NEBL: variants seen among roughly 807,000 people sequenced by gnomAD.
The protein encoded by NEBL is LIM and SH3 protein 2.
A neutral mutation model predicts 140.2 loss-of-function variants in NEBL; 122 were observed. That is an observed-to-expected ratio of 0.87 (90% CI 0.75 to 1.01). The LOEUF (loss-of-function observed/expected upper bound fraction) is 1.01, where lower values mean the gene tolerates loss of function less well. Ranked by LOEUF, NEBL falls within the 50% of genes least tolerant of loss-of-function variation. The pLI is 0.00. For synonymous variants in NEBL, 436 were observed against 398.9 expected (o/e 1.09, Z -1.11); for missense variants, 1,365 against 1,231.3 (o/e 1.11, Z -1.62).
At position 20,866,030 on chromosome 10, in the gene NEBL, T is replaced by G. The variant is rs929594300; in HGVS notation, c.684+2634A>C. ...TGTTAACCTTCCCTAAGTGTTTTCT[T>G]CACAATCAATCTTTGCTCAAAATCT... On this transcript the variant is annotated intron_variant, in intron 7 of 27. Coordinates refer to ENST00000377122, the MANE Select transcript of NEBL (RefSeq NM_006393.3). Among the ~76,000 whole-genome samples the G allele has an allele frequency of 5.3e-5, 8 of 152,300 alleles. No homozygotes were observed. In the East Asian group the frequency reaches 1.4e-3, roughly 26 times the overall value.
chr10:20,982,227 G>A (rs1052619842), intron 3 of NEBL, among the ~76,000 whole-genome samples: 33 of 152,080 alleles, frequency 2.2e-4, no homozygotes, highest in African/African-American at 7.5e-4. Context: ...CGGAAACATC[G>A]TCAAATGTTG....
intron 3 of NEBL, among the ~76,000 whole-genome samples, chr10:20,971,955 C>A (rs552906710): frequency 6.6e-6 from 1 of 152,078 alleles, no homozygotes; most frequent in Non-Finnish European, 1.5e-5. Context: ...CCAGAAGGTA[C>A]CACACAAGGT....
chr10:21,027,420 T>C (rs890265609), intron 2 of NEBL, among the ~76,000 whole-genome samples: 1 of 151,870 alleles, frequency 6.6e-6, no homozygotes, highest in African/African-American at 2.4e-5. Flanking sequence ...CTCGACCTCC[T>C]GGACTCAGGT....
chr10:21,079,767 G>A (rs1172005399), intron 2 of NEBL, among the ~76,000 whole-genome samples: 1 of 152,018 alleles, frequency 6.6e-6, no homozygotes, highest in Non-Finnish European at 1.5e-5. Context: ...TCAAAAGATC[G>A]CAGTTATAGA....
At chr10:21,090,542 T>C (rs1836863252) in intron 2 of NEBL, among the ~76,000 whole-genome samples, 1 of 152,194 alleles carries the variant, frequency 6.6e-6, no homozygotes, top group South Asian at 2.1e-4. Flanking sequence ...CCCACAGATA[T>C]TGAGGGACTG....
At chr10:20,928,979 T>C (rs1834042818) in intron 4 of NEBL, among the ~76,000 whole-genome samples, 1 of 152,116 alleles carries the variant, frequency 6.6e-6, no homozygotes, top group South Asian at 2.1e-4. Flanking sequence ...CCTCCTCTCT[T>C]ACCTTCTTAA....
Position 20,784,105 on chromosome 10 carries a change from T to C in NEBL, c.*1642A>G, listed in dbSNP as rs1835203480. ...CTTAAACGATGTTTTACAGGATGTTTTGTTAATTTCCTTGAATATAACATA... is the reference window on the plus strand; with the variant it reads ...CTTAAACGATGTTTTACAGGATGTTCTGTTAATTTCCTTGAATATAACATA... On this transcript the variant is annotated 3_prime_UTR_variant, in exon 28 of 28. Coordinates refer to ENST00000377122, the MANE Select transcript of NEBL (RefSeq NM_006393.3). 6.6e-6 allele frequency: 1 copy of C among 152,244 alleles called. No homozygotes were observed. The highest frequency in any genetic ancestry group is 2.1e-4 in the South Asian group (1 of 4,830). 9.4% of individuals were successfully genotyped at this position (152,244 alleles called of 1,614,324 possible).
At chr10:20,860,637 G>A (rs1381454042) in intron 7 of NEBL, among the ~76,000 whole-genome samples, 1 of 148,220 alleles carries the variant, frequency 6.7e-6, no homozygotes, top group Non-Finnish European at 1.5e-5. Context: ...AGCCAGGAAA[G>A]GGTGTATTGA....
chr10:20,937,239 T>A (rs909681879), intron 4 of NEBL, among the ~76,000 whole-genome samples: 1 of 152,152 alleles, frequency 6.6e-6, no homozygotes, highest in Admixed American at 6.5e-5. Flanking sequence ...GGTGTACCCA[T>A]CTCCACTGAG....
chr10:21,041,733 G>A (rs1295890949), intron 2 of NEBL, among the ~76,000 whole-genome samples: 10 of 152,116 alleles, frequency 6.6e-5, no homozygotes, highest in Admixed American at 5.9e-4. Flanking sequence ...TGGGCTGCTC[G>A]ACTGAGTATA....
Position 20,897,214 on chromosome 10 carries a change from T to C in NEBL, c.-9A>G, listed in dbSNP as rs772236141. On this transcript the variant is annotated 5_prime_UTR_variant, in exon 1 of 28. Transcript: ENST00000377122. ...AATACAGGGACCCTCATTTTTACCC[T>C]TTAAAATATTTATATTTTTAAAATT... is the stretch of plus-strand genomic sequence containing the variant. The C allele has an allele frequency of 4.5e-6, 7 of 1,551,324 alleles. No homozygotes were observed. Among genetic ancestry groups the C allele is most frequent in the Non-Finnish European group, 6.1e-6 (7 of 1,146,886 alleles).
intron 10 of NEBL, 137 bp downstream of exon 10, chr10:20,852,408 A>G: frequency 1.4e-6 from 1 of 699,866 alleles, no homozygotes; most frequent in Non-Finnish European, 2.6e-6. Context: ...TTTCAAAAGT[A>G]ATGTTAATAT....
At chr10:21,286,395 T>A (rs1396274321) in intron 1 of NEBL, among the ~76,000 whole-genome samples, 1 of 152,216 alleles carries the variant, frequency 6.6e-6, no homozygotes, top group Non-Finnish European at 1.5e-5. Flanking sequence ...CTACCAACAT[T>A]GTTATGTCTC....
chr10:21,214,824 C>T (rs565775466), intron 3 of NEBL, among the ~76,000 whole-genome samples: 1 of 152,156 alleles, frequency 6.6e-6, no homozygotes, highest in Non-Finnish European at 1.5e-5. Context: ...TTTTTGGCTA[C>T]ACTCCTAATA....
At chr10:21,186,817 C>T (rs1222697518) in intron 3 of NEBL, among the ~76,000 whole-genome samples, 2 of 151,782 alleles carry the variant, frequency 1.3e-5, no homozygotes, top group African/African-American at 2.4e-5. Flanking sequence ...GGTAATAAAA[C>T]GTAAAAGCCA....
chr10:21,266,990 T>C (rs1588580688), intron 1 of NEBL, among the ~76,000 whole-genome samples: 1 of 152,150 alleles, frequency 6.6e-6, no homozygotes, highest in Admixed American at 6.6e-5. Context: ...TTTTTGTTTT[T>C]TTCAGACGGA....
At chr10:20,801,393 T>C (rs1356369468) in intron 26 of NEBL, among the ~76,000 whole-genome samples, 3 of 151,756 alleles carry the variant, frequency 2.0e-5, no homozygotes, top group Non-Finnish European at 4.4e-5. Flanking sequence ...GAAGGTTTTT[T>C]GCCATGTTGG....
chr10:20,945,318 C>T (rs918977011), intron 4 of NEBL, among the ~76,000 whole-genome samples: 5 of 152,142 alleles, frequency 3.3e-5, no homozygotes, highest in Non-Finnish European at 7.4e-5. Flanking sequence ...TCCAAAAATT[C>T]CCACTCTTAA....
At chr10:21,030,935 A>G (rs1477882199) in intron 2 of NEBL, 6 of 240,814 alleles carry the variant, frequency 2.5e-5, no homozygotes, top group African/African-American at 1.4e-4. Flanking sequence ...CTGGCTACAA[A>G]TTACCATTAG....
Sources: allele counts gnomAD v4.1 joint callset (sites outside exome capture counted in the v4.1 genomes callset), GRCh38; gene constraint gnomAD v4.1.1; transcripts MANE v1.5; gene names NCBI Gene and HGNC (gene_info 2026-07-23, HGNC 2026-07-21).